SMPD3: variants seen among roughly 807,000 people sequenced by gnomAD.
SMPD3 encodes the protein nSMase-2.
A neutral mutation model predicts 55.7 loss-of-function variants in SMPD3; 21 were observed. That is an observed-to-expected ratio of 0.38 (90% CI 0.27 to 0.54). The LOEUF is 0.54. Among genes scored for constraint, SMPD3 ranks in the 20% least tolerant of loss-of-function variants. The pLI is 0.80. For missense variants in SMPD3, 842 were observed against 899.6 expected (o/e 0.94, Z 0.82); for synonymous variants, 457 against 404.3 (o/e 1.13, Z -1.56).
chr16:68,384,636 T>G (rs1378491839), intron 2 of SMPD3, among the ~76,000 whole-genome samples: 1 of 152,142 alleles, frequency 6.6e-6, no homozygotes, highest in Non-Finnish European at 1.5e-5. Flanking sequence ...TGTGGAGCCC[T>G]GGGGTTGGGG....
chr16:68,444,531 T>C (rs909564577), intron 1 of SMPD3, among the ~76,000 whole-genome samples: 8 of 152,312 alleles, frequency 5.3e-5, no homozygotes, highest in Middle Eastern at 3.4e-3. Flanking sequence ...AGAATTTTTT[T>C]TGAGCCCAAA....
At chr16:68,432,403 T>C (rs1296517179) in intron 1 of SMPD3, among the ~76,000 whole-genome samples, 2 of 152,248 alleles carry the variant, frequency 1.3e-5, no homozygotes, top group African/African-American at 4.8e-5. Context: ...TAAAGTAATT[T>C]ACTTTCCAAT....
chr16:68,370,344 T>C (rs1197390033), intron 3 of SMPD3: 2 of 156,656 alleles, frequency 1.3e-5, no homozygotes, highest in African/African-American at 4.8e-5. Context: ...GTGGCCTCAG[T>C]GAGCCAGGCG....
chr16:68,363,695 CTTGTGGGGTA>C (rs1350788282), intron 6 of SMPD3, 72 bp downstream of exon 6: 54 of 1,467,584 alleles, frequency 3.7e-5, no homozygotes, highest in Non-Finnish European at 4.9e-5. Context: ...GCAGTGGGGT[CTTGTGGGGTA>C]GGTCCTGGTG....
At chr16:68,399,953 G>A (rs991928149) in intron 1 of SMPD3, among the ~76,000 whole-genome samples, 14 of 152,234 alleles carry the variant, frequency 9.2e-5, no homozygotes, top group Non-Finnish European at 2.1e-4. Flanking sequence ...AGGCACCAGT[G>A]TGGATGTCAC....
chr16:68,366,699 C>T (rs1290320888), intron 3 of SMPD3, among the ~76,000 whole-genome samples: 1 of 152,116 alleles, frequency 6.6e-6, no homozygotes, highest in African/African-American at 2.4e-5. Context: ...AACCCCATCT[C>T]GACTAAGAAT....
At position 68,361,729 on chromosome 16, in the gene SMPD3, C is replaced by G; in HGVS notation, c.1740G>C (p.Glu580Asp). 6.2e-7 allele frequency: 1 copy of G among 1,613,000 alleles called. No homozygotes were observed. Among genetic ancestry groups the G allele is most frequent in the Non-Finnish European group, 8.5e-7 (1 of 1,179,976 alleles). The change falls in exon 8 of 9, where the codon GAG becomes GAC. Residue 580 changes from glutamate to aspartate, a missense_variant. By Grantham distance (45) the Glu-to-Asp change is conservative. Coordinates refer to ENST00000219334, the MANE Select transcript of SMPD3 (RefSeq NM_018667.4). The part of the protein sequence containing the change: ...KVLESEEGRR[E>D]YLAFPTSKSS... ...TCTTGCTGGTGGGAAACGCCAGGTA[C>G]TCCCTGCGGCCCTCCTCACTCTCCA...
chr16:68,418,461 A>G (rs1274310644), intron 1 of SMPD3, among the ~76,000 whole-genome samples: 2 of 152,278 alleles, frequency 1.3e-5, no homozygotes, highest in East Asian at 1.9e-4. Context: ...AAATATAACC[A>G]TCTGATATAA....
At chr16:68,363,233 G>A (rs1176293835) in intron 7 of SMPD3, among the ~76,000 whole-genome samples, 1 of 152,082 alleles carries the variant, frequency 6.6e-6, no homozygotes, top group Non-Finnish European at 1.5e-5. Flanking sequence ...CTCGGGGCAG[G>A]GCTAGCTCCT....
Position 68,447,746 on chromosome 16 carries a change from C to G in SMPD3, c.-269+607G>C, listed in dbSNP as rs1433566143. On this transcript the variant is annotated intron_variant, in intron 1 of 8. Transcript: ENST00000219334. This position sits in a 1 kb window ranked among gnomAD's most constrained non-coding sequence, Gnocchi z 5.1. ...AGTGGGAGGGGTAAGAGTCCTCTGT[C>G]TCTTCCACATCCTCGATCCTCCTCT... Among the ~76,000 whole-genome samples the G allele has an allele frequency of 6.6e-6, 1 of 151,838 alleles. No individual in the cohort carries two copies. The highest frequency in any genetic ancestry group is 1.5e-5 in the Non-Finnish European group (1 of 67,940).
chr16:68,393,597 C>T (rs957451201), intron 1 of SMPD3, among the ~76,000 whole-genome samples: 1 of 152,192 alleles, frequency 6.6e-6, no homozygotes, highest in Admixed American at 6.5e-5. Flanking sequence ...AGACCCAGAA[C>T]TCAGAGTTGA....
At chr16:68,419,766 C>G (rs916850622) in intron 1 of SMPD3, among the ~76,000 whole-genome samples, 1 of 152,138 alleles carries the variant, frequency 6.6e-6, no homozygotes. Flanking sequence ...ATAATGAAGC[C>G]TTACTCCTAA....
At chr16:68,391,613 G>C (rs1352062426) in intron 1 of SMPD3, among the ~76,000 whole-genome samples, 1 of 152,194 alleles carries the variant, frequency 6.6e-6, no homozygotes, top group Non-Finnish European at 1.5e-5. Flanking sequence ...TAATTCTACA[G>C]GGAGCATGGG....
At chr16:68,402,558 C>T (rs866648739) in intron 1 of SMPD3, among the ~76,000 whole-genome samples, 9 of 152,098 alleles carry the variant, frequency 5.9e-5, no homozygotes, top group South Asian at 2.1e-4. Context: ...GCATGGTAGG[C>T]GCTGTGCCTG....
intron 1 of SMPD3, among the ~76,000 whole-genome samples, chr16:68,387,429 C>T (rs2090067289): frequency 6.6e-6 from 1 of 152,120 alleles, no homozygotes; most frequent in African/African-American, 2.4e-5. Context: ...ACACTGCCCT[C>T]CACACTTGGG....
intron 2 of SMPD3, among the ~76,000 whole-genome samples, chr16:68,379,524 A>G (rs1276574150): frequency 1.3e-5 from 2 of 152,222 alleles, no homozygotes; most frequent in Non-Finnish European, 2.9e-5. Context: ...CGGAGCCTTC[A>G]AAGTCTCCTC....
chr16:68,432,775 C>T (rs945409328), intron 1 of SMPD3, among the ~76,000 whole-genome samples: 3 of 152,186 alleles, frequency 2.0e-5, no homozygotes, highest in Non-Finnish European at 4.4e-5. Flanking sequence ...GGGCAGCCTG[C>T]GTCTGGTTTT....
At chr16:68,437,980 C>G (rs2090536830) in intron 1 of SMPD3, among the ~76,000 whole-genome samples, 1 of 152,190 alleles carries the variant, frequency 6.6e-6, no homozygotes, top group African/African-American at 2.4e-5. Flanking sequence ...TGCACAGGAG[C>G]AGGTGACTGA....
In SMPD3 at chr16:68,361,106, G is replaced by A; in HGVS notation, c.*100C>T. Reference sequence around the variant, plus strand: ...TGACTGTGGCTCCCTCCCTGTCCCTGCCCTCCTCCCCCAAGCACCGGGCAC... The same window carrying A: ...TGACTGTGGCTCCCTCCCTGTCCCTACCCTCCTCCCCCAAGCACCGGGCAC... On this transcript the variant is annotated 3_prime_UTR_variant, in exon 9 of 9. Coordinates refer to ENST00000219334, the MANE Select transcript of SMPD3 (RefSeq NM_018667.4). The A allele has an allele frequency of 1.8e-6, 2 of 1,094,910 alleles. No individual in the cohort carries two copies. The highest frequency in any genetic ancestry group is 2.6e-6 in the Non-Finnish European group (2 of 758,400). The allele number at this position is 1,094,910 out of a possible 1,614,324, so 67.8% of individuals were successfully genotyped here.
Sources: gnomAD v4.1 joint callset for allele counts (sites outside exome capture counted in the v4.1 genomes callset) on GRCh38, gnomAD v4.1.1 for gene constraint, Gnocchi (gnomAD v3.1) non-coding constraint, MANE v1.5 for transcripts, NCBI Gene and HGNC (gene_info 2026-07-23, HGNC 2026-07-21) for gene names.